The following CD99 variants were observed in gnomAD, a reference collection of about 807,000 sequenced individuals.
CD99 encodes the protein CD99 antigen.
In CD99, 19 loss-of-function variants were observed where a neutral mutation model predicts 28.4. That is an observed-to-expected ratio of 0.67 (90% CI 0.47 to 0.98). The LOEUF (loss-of-function observed/expected upper bound fraction) is 0.98. Among genes scored for constraint, CD99 ranks in the 50% least tolerant of loss-of-function variants. CD99 has a pLI of 0.00. For synonymous variants in CD99, 103 were observed against 92.1 expected (o/e 1.12, Z -0.67); for missense variants, 283 against 248.8 (o/e 1.14, Z -0.92).
At chrX:2,722,722 G>A in intron 6 of CD99, 48 bp downstream of exon 6, 3 of 1,548,994 alleles carry the variant, frequency 1.9e-6, no homozygotes, top group East Asian at 2.2e-5. Flanking sequence ...ATCCCATGAT[G>A]CCCACCTGCT....
chrX:2,731,842 G>T (rs2049623804), intron 8 of CD99, among the ~76,000 whole-genome samples: 1 of 151,948 alleles, frequency 6.6e-6, no homozygotes, highest in Non-Finnish European at 1.5e-5. Context: ...ATATTTTGGG[G>T]TTCACGGATT....
At chrX:2,719,601 G>T in intron 3 of CD99, 60 bp from the exon 4 acceptor site, 1 of 1,413,614 alleles carries the variant, frequency 7.1e-7, no homozygotes, top group South Asian at 1.1e-5. Context: ...TGTTCACGAG[G>T]TCATTCCTTC....
chrX:2,695,627 A>G (rs1382132913), intron 1 of CD99, among the ~76,000 whole-genome samples: 6 of 147,420 alleles, frequency 4.1e-5, no homozygotes, highest in Non-Finnish European at 7.4e-5. Flanking sequence ...GCCCAGACTG[A>G]AAAAAAAGTC....
At chrX:2,731,880 CT>C (rs2049625949) in intron 8 of CD99, among the ~76,000 whole-genome samples, 1 of 151,720 alleles carries the variant, frequency 6.6e-6, no homozygotes. Context: ...TCAGATGGCT[CT>C]GTCTGTTATA....
At chrX:2,691,459 C>A in intron 1 of CD99, 32 bp downstream of exon 1, 1 of 1,561,834 alleles carries the variant, frequency 6.4e-7, no homozygotes. Flanking sequence ...GGTTGGGGGA[C>A]GCGGAGGGCG....
intron 1 of CD99, among the ~76,000 whole-genome samples, chrX:2,711,742 A>T (rs2048418425): frequency 6.6e-6 from 1 of 152,006 alleles, no homozygotes; most frequent in African/African-American, 2.4e-5. Flanking sequence ...ATTCAGCTTT[A>T]AAAAAGAAGG....
chrX:2,738,873 G>A (rs188339102), intron 9 of CD99, among the ~76,000 whole-genome samples: 2 of 150,690 alleles, frequency 1.3e-5, no homozygotes, highest in Admixed American at 6.7e-5. Flanking sequence ...TTAGAGATAG[G>A]GTCTCACTCT....
chrX:2,701,079 C>G (rs1355034195), intron 1 of CD99, among the ~76,000 whole-genome samples: 1 of 151,966 alleles, frequency 6.6e-6, no homozygotes, highest in Non-Finnish European at 1.5e-5. Flanking sequence ...ATCCATCCAC[C>G]TATCCACCCT....
chrX:2,713,912 A>G (rs1304061416), intron 1 of CD99, among the ~76,000 whole-genome samples: 1 of 152,218 alleles, frequency 6.6e-6, no homozygotes, highest in African/African-American at 2.4e-5. Context: ...CTGTAGAAAC[A>G]GGGTAGCCTA....
chrX:2,740,649 C>T (rs1425215095), intron 9 of CD99, 130 bp from the exon 10 acceptor site: 8 of 747,544 alleles, frequency 1.1e-5, no homozygotes, highest in South Asian at 1.0e-4. Context: ...TTTGCTTTCT[C>T]GTGATGAGTT....
At chrX:2,734,182 T>A (rs1350087666) in intron 8 of CD99, among the ~76,000 whole-genome samples, 1 of 152,176 alleles carries the variant, frequency 6.6e-6, no homozygotes, top group Non-Finnish European at 1.5e-5. Flanking sequence ...TAACTTGTTT[T>A]CTTTCTTTTA....
chrX:2,700,802 C>T (rs2047817759), intron 1 of CD99, among the ~76,000 whole-genome samples: 1 of 151,966 alleles, frequency 6.6e-6, no homozygotes, highest in Non-Finnish European at 1.5e-5. Flanking sequence ...TCCATTTATC[C>T]GTTCACCCAT....
rs1325506806 is a variant in CD99, at chrX:2,740,806, A to G, written c.*2A>G. 6.2e-7 allele frequency: 1 copy of G among 1,613,932 alleles called. No homozygotes were observed. The highest frequency in any genetic ancestry group is 8.5e-7 in the Non-Finnish European group (1 of 1,179,864). ...CAGCGTACTCTTTTAGAGAAATAGA[A>G]GATTGTCGGCAGAAACAGCCCAGGC... On this transcript the variant is annotated 3_prime_UTR_variant, in exon 10 of 10. Coordinates refer to ENST00000381192, the MANE Select transcript of CD99 (RefSeq NM_002414.5).
chrX:2,732,158 C>G (rs2049646407), intron 8 of CD99, among the ~76,000 whole-genome samples: 1 of 152,016 alleles, frequency 6.6e-6, no homozygotes, highest in African/African-American at 2.4e-5. Context: ...TGGTTTTTGT[C>G]CATGTGATAC....
At chrX:2,722,339 A>T (rs2049032452) in intron 5 of CD99, among the ~76,000 whole-genome samples, 1 of 152,046 alleles carries the variant, frequency 6.6e-6, no homozygotes, top group South Asian at 2.1e-4. Flanking sequence ...TTTTGTTTTG[A>T]GACTGAGTTT....
intron 9 of CD99, 115 bp from the exon 10 acceptor site, chrX:2,740,664 G>A (rs1603299152): frequency 1.0e-6 from 1 of 958,860 alleles, no homozygotes; most frequent in Non-Finnish European, 1.6e-6. Context: ...TGAGTTTTGG[G>A]CCCATTTTTC....
At chrX:2,724,052 C>G (rs1270794785) in intron 7 of CD99, among the ~76,000 whole-genome samples, 2 of 142,272 alleles carry the variant, frequency 1.4e-5, no homozygotes, top group Non-Finnish European at 3.1e-5. Context: ...AGTGGGTAGT[C>G]TACCCTTGTT....
intron 1 of CD99, among the ~76,000 whole-genome samples, chrX:2,702,316 C>A (rs2047897809): frequency 6.6e-6 from 1 of 152,182 alleles, no homozygotes; most frequent in Admixed American, 6.5e-5. Flanking sequence ...ATTCTGTGAC[C>A]CCCTACCCCT....
intron 8 of CD99, among the ~76,000 whole-genome samples, chrX:2,732,437 T>G (rs1419122745): frequency 6.6e-6 from 1 of 152,094 alleles, no homozygotes; most frequent in Admixed American, 6.5e-5. Flanking sequence ...TGGCTCTCCC[T>G]GTCTCCTTCT....
Sources: gnomAD v4.1 joint callset for allele counts (sites outside exome capture counted in the v4.1 genomes callset) on GRCh38, gnomAD v4.1.1 for gene constraint, MANE v1.5 for transcripts, NCBI Gene and HGNC (gene_info 2026-07-23, HGNC 2026-07-21) for gene names.